The following NME6 variants were observed in gnomAD, a reference collection of about 807,000 sequenced individuals.
NME6 encodes the protein NME/NM23 nucleoside diphosphate kinase 6.
A neutral mutation model predicts 22.2 loss-of-function variants in NME6; 16 were observed. That is an observed-to-expected ratio of 0.72 (90% CI 0.49 to 1.09). NME6 has a LOEUF of 1.09. Among genes scored for constraint, NME6 ranks in the 50% least tolerant of loss-of-function variants. The pLI, the probability that NME6 is intolerant of heterozygous loss-of-function variation, is 0.00. For synonymous variants in NME6, 58 were observed against 85.2 expected (o/e 0.68, Z 1.76); for missense variants, 229 against 239.0 (o/e 0.96, Z 0.28).
chr3:48,288,728 A>G (rs1031445653), downstream of NME6: 2 of 152,208 alleles, frequency 1.3e-5, no homozygotes, highest in African/African-American at 4.8e-5. Flanking sequence ...ACTTAATTAC[A>G]ATGGTGGTAC....
At chr3:48,298,870 A>G in intron 1 of NME6, 1 of 671,738 alleles carries the variant, frequency 1.5e-6, no homozygotes, top group South Asian at 1.6e-5. Flanking sequence ...TTTACAGAGG[A>G]TTTACAATTT....
chr3:48,295,268 G>A, intron 4 of NME6, 33 bp from the exon 5 acceptor site: 1 of 1,591,536 alleles, frequency 6.3e-7, no homozygotes, highest in South Asian at 1.1e-5. Context: ...TAAAGAACCT[G>A]GCCATCTAGA....
intron 1 of NME6, 90 bp downstream of exon 1, chr3:48,301,263 C>T (rs1268253203): frequency 6.3e-7 from 1 of 1,591,540 alleles, no homozygotes. Context: ...AACCGCGCAG[C>T]CCTCACCCCT....
At chr3:48,300,338 C>T (rs1445876455) in intron 1 of NME6, 6 of 456,630 alleles carry the variant, frequency 1.3e-5, no homozygotes, top group Non-Finnish European at 2.6e-5. Context: ...CCTCATGGGC[C>T]TTTCAGTTTT....
At position 48,293,767 on chromosome 3, in the gene NME6, T is replaced by A. The variant is rs961728018; in HGVS notation, c.*870A>T. 6.6e-6 allele frequency: 1 copy of A among 152,154 alleles called. No individual in the cohort carries two copies. Among genetic ancestry groups the A allele is most frequent in the Non-Finnish European group, 1.5e-5 (1 of 68,026 alleles). The allele number at this position is 152,154 out of a possible 1,614,324, so 9.4% of individuals were successfully genotyped here. A position where few individuals can be genotyped will look rare whatever the true frequency, so the allele number is the denominator to read the frequency against. ...AGGACCCAATCATGTCTTAACCATCTTTGCATTTTTCAGTATGTCTTGAAT... is the reference window on the plus strand; with the variant it reads ...AGGACCCAATCATGTCTTAACCATCATTGCATTTTTCAGTATGTCTTGAAT... On this transcript the variant is annotated 3_prime_UTR_variant, in exon 6 of 6. Transcript: ENST00000442597.
At chr3:48,298,654 A>G in intron 1 of NME6, 131 bp from the exon 2 acceptor site, 2 of 636,086 alleles carry the variant, frequency 3.1e-6, no homozygotes, top group Non-Finnish European at 5.4e-6. Context: ...TGACAGTTTC[A>G]TCTTAAGGCC....
At chr3:48,298,159 A>C (rs1368927662) in intron 2 of NME6, 1 of 472,966 alleles carries the variant, frequency 2.1e-6, no homozygotes, top group South Asian at 2.1e-5. Flanking sequence ...AGTCTGGAGT[A>C]ATGTGTTATG....
At chr3:48,299,119 C>T (rs568650159) in intron 1 of NME6, 37 of 587,314 alleles carry the variant, frequency 6.3e-5, no homozygotes, top group Admixed American at 4.2e-4. Context: ...CAGCTGTCCT[C>T]AGTGGTAACA....
chr3:48,300,259 T>C (rs763224902), intron 1 of NME6: 1 of 456,792 alleles, frequency 2.2e-6, no homozygotes, highest in South Asian at 1.5e-5. Context: ...CTGCATGATC[T>C]TGTGGTTCCC....
chr3:48,288,390 A>G (rs1286666008), downstream of NME6, among the ~76,000 whole-genome samples: 1 of 152,066 alleles, frequency 6.6e-6, no homozygotes, highest in African/African-American at 2.4e-5. Context: ...AAAAAAAGAA[A>G]AAAAAAATTT....
chr3:48,296,787 G>A lies in NME6; in HGVS notation c.133C>T (p.Arg45Ter), dbSNP rs768266032. ...QILSNKFLIV[R>*]MRELLWRKED... is the part of the protein sequence containing the mutation. ...TTTCTCCACAGTAGTTCTCTCATTC[G>A]TACAATCAGGAACTTGTTGCTTAGA... The change falls in exon 3 of 6, where the codon CGA becomes TGA. Residue 45 changes from arginine (R) to a stop codon, truncating the protein, a stop_gained. Transcript: ENST00000442597. LOFTEE classifies it high-confidence loss of function. The A allele has an allele frequency of 7.4e-6, 12 of 1,613,412 alleles. No homozygotes were observed. The highest frequency in any genetic ancestry group is 9.3e-6 in the Non-Finnish European group (11 of 1,179,896).
chr3:48,298,836 TC>T (rs1398418893), intron 1 of NME6: 1 of 642,264 alleles, frequency 1.6e-6, no homozygotes, highest in Non-Finnish European at 2.8e-6. Context: ...TCTGCCAATA[TC>T]CCTTCCTAAC....
At chr3:48,291,313 A>G (rs2034442873), downstream of NME6, 4 of 469,424 alleles carry the variant, frequency 8.5e-6, no homozygotes, top group Admixed American at 5.1e-5. Context: ...TAAGCCTGTG[A>G]TATCAGAGAC....
chr3:48,292,467 A>G lies in NME6; in HGVS notation c.*2170T>C, dbSNP rs2034594640. 1 of 152,080 alleles carries G rather than the reference A, an allele frequency of 6.6e-6. No individual in the cohort carries two copies. Among genetic ancestry groups the G allele is most frequent in the Non-Finnish European group, 1.5e-5 (1 of 68,018 alleles). 9.4% of individuals were successfully genotyped at this position (152,080 alleles called of 1,614,324 possible). A position where few individuals can be genotyped will look rare whatever the true frequency, so the allele number is the denominator to read the frequency against. On this transcript the variant is annotated 3_prime_UTR_variant, in exon 6 of 6. Coordinates refer to ENST00000442597, the MANE Select transcript of NME6 (RefSeq NM_001308426.2). Reference sequence around the variant, plus strand: ...ATTTTGTACGCTTTGACCACCATTTAAATTTTTTAAATGCAACAAAATATC... The same window carrying G: ...ATTTTGTACGCTTTGACCACCATTTGAATTTTTTAAATGCAACAAAATATC...
At position 48,292,944 on chromosome 3, in the gene NME6, G is replaced by T. The variant is rs907641509; in HGVS notation, c.*1693C>A. 1.3e-5 allele frequency: 2 copies of T among 152,274 alleles called. No individual in the cohort carries two copies. The highest frequency in any genetic ancestry group is 1.9e-4 in the East Asian group (1 of 5,198). 9.4% of individuals were successfully genotyped at this position (152,274 alleles called of 1,614,324 possible). Reference sequence around the variant, plus strand: ...TAGCCGTCATGCAAACCTGCAGTGTGTAACACTTTCCTGGGCCTGCCAGTA... The same window carrying T: ...TAGCCGTCATGCAAACCTGCAGTGTTTAACACTTTCCTGGGCCTGCCAGTA... On this transcript the variant is annotated 3_prime_UTR_variant, in exon 6 of 6. Transcript: ENST00000442597.
At position 48,296,121 on chromosome 3, in the gene NME6, G is replaced by T; in HGVS notation, c.231C>A (p.Ala77=). 2 of 1,606,770 alleles carry T rather than the reference G, an allele frequency of 1.2e-6. No homozygotes were observed. ...FFYQRLVEFM[A]SGPIRAYILA... is the part of the protein sequence containing the mutation. Reference sequence around the variant, plus strand: ...TGCTGGAACCAAATTTGAAGTACCTGGCCATGAACTCCACCAGCCTCTGAT... The same window carrying T: ...TGCTGGAACCAAATTTGAAGTACCTTGCCATGAACTCCACCAGCCTCTGAT... Residue 77 remains alanine (A), a splice_region_variant and synonymous_variant, in exon 4 of 6, where the codon GCC becomes GCA. Coordinates refer to ENST00000442597, the MANE Select transcript of NME6 (RefSeq NM_001308426.2).
chr3:48,289,941 A>G (rs571879622), downstream of NME6, among the ~76,000 whole-genome samples: 385 of 152,368 alleles, frequency 2.5e-3, no homozygotes, highest in Non-Finnish European at 4.7e-3. Flanking sequence ...TTTCAGGGTT[A>G]AAGAAAAGAC....
At chr3:48,288,093 T>C (rs1363628486), downstream of NME6, among the ~76,000 whole-genome samples, 1 of 152,126 alleles carries the variant, frequency 6.6e-6, no homozygotes, top group Non-Finnish European at 1.5e-5. Context: ...CTTTTTTAGC[T>C]TAAAAGTAAG....
intron 2 of NME6, 53 bp downstream of exon 2, chr3:48,298,374 G>T: frequency 6.7e-7 from 1 of 1,503,284 alleles, no homozygotes; most frequent in Non-Finnish European, 9.3e-7. Flanking sequence ...AATGGCACCT[G>T]AAGCAGTAGC....
Sources: allele counts gnomAD v4.1 joint callset (sites outside exome capture counted in the v4.1 genomes callset), GRCh38; gene constraint gnomAD v4.1.1; transcripts MANE v1.5; gene names NCBI Gene and HGNC (gene_info 2026-07-23, HGNC 2026-07-21).